Variants in NBN observed in about 807,000 individuals in gnomAD.
NBN encodes Nijmegen breakage syndrome 1 (nibrin).
In NBN, 88 loss-of-function variants were observed where a neutral mutation model predicts 90.8. The ratio of observed to expected loss-of-function variants is 0.97; its 90% CI spans 0.82 to 1.16. The LOEUF (loss-of-function observed/expected upper bound fraction) is 1.16, where lower values mean the gene tolerates loss of function less well. Among genes scored for constraint, NBN ranks in the 50% most tolerant of loss-of-function variants. The pLI is 0.00. For synonymous variants in NBN, 328 were observed against 295.1 expected, an observed-to-expected ratio of 1.11 and a Z score of -1.14; for missense variants, 894 against 869.6, an observed-to-expected ratio of 1.03 and a Z score of -0.35.
intron 14 of NBN, among the ~76,000 whole-genome samples, chr8:89,940,620 T>C (rs1251911594): frequency 8.3e-6 from 1 of 120,188 alleles, no homozygotes; most frequent in Non-Finnish European, 1.7e-5. Flanking sequence ...CTCCATCTAC[T>C]AGAGGAAAAA....
chr8:89,980,813 T>G lies in NBN; in HGVS notation c.401A>C (p.Gln134Pro). ...ATTGTTTACAGTAAATCCTCCAAGT[T>G]GCAATATAGCTTGATTTAAAGCAGT... ...GKTALNQAIL[Q>P]LGGFTVNNWT... is the part of the protein sequence containing the mutation. The change falls in exon 4 of 16, where the codon CAA becomes CCA. Residue 134 changes from glutamine to proline, a missense_variant. Coordinates refer to ENST00000265433, the MANE Select transcript of NBN (RefSeq NM_002485.5). 1.9e-6 allele frequency: 3 copies of G among 1,613,204 alleles called. No individual in the cohort carries two copies. The highest frequency in any genetic ancestry group is 2.5e-6 in the Non-Finnish European group (3 of 1,179,350).
rs141443872 is a variant in NBN at position 89,970,456 on chromosome 8, C to G, written c.804G>C (p.Thr268=). Residue 268 remains threonine (T), a synonymous_variant, in exon 7 of 16, where the codon ACG becomes ACC. Coordinates refer to ENST00000265433, the MANE Select transcript of NBN (RefSeq NM_002485.5). ...EEHNFFLAPG[T]CVVDTGITNS... ...TTGTTATTCCTGTATCAACAACACA[C>G]GTTCCCGGAGCCAAAAAGAAATTAT... 1 of 1,614,002 alleles carries G rather than the reference C, an allele frequency of 6.2e-7. No homozygotes were observed. The highest frequency in any genetic ancestry group is 1.1e-5 in the South Asian group (1 of 91,082).
chr8:89,943,159 T>C, intron 14 of NBN, 94 bp downstream of exon 14: 13 of 1,329,906 alleles, frequency 9.8e-6, no homozygotes, highest in South Asian at 2.4e-5. Context: ...ATGTCACTTA[T>C]TTTAATTTGG....
intron 11 of NBN, among the ~76,000 whole-genome samples, chr8:89,951,636 A>T (rs1173354499): frequency 6.6e-6 from 1 of 152,220 alleles, no homozygotes; most frequent in Non-Finnish European, 1.5e-5. Context: ...TGTCACATTA[A>T]ACTAATTTAC....
At position 89,978,482 on chromosome 8, in the gene NBN, A is replaced by T. The variant is rs187046429; in HGVS notation, c.481-159T>A. On this transcript the variant is annotated intron_variant, in intron 4 of 15. Transcript: ENST00000265433. ...TTATAAAGAAGCCACAATCTATAAAATAGAAGTCGGTCTTTGGTCACTGCA... is the reference window on the plus strand; with the variant it reads ...TTATAAAGAAGCCACAATCTATAAATTAGAAGTCGGTCTTTGGTCACTGCA... 5.3e-4 allele frequency: 99 copies of T among 186,344 alleles called. 1 individual carries two copies. The East Asian group carries it at 0.018, about 34-fold the overall frequency. 11.5% of individuals were successfully genotyped at this position (186,344 alleles called of 1,614,324 possible).
chr8:89,938,739 ATT>A (rs904547879), intron 14 of NBN, among the ~76,000 whole-genome samples: 14 of 152,132 alleles, frequency 9.2e-5, no homozygotes, highest in African/African-American at 3.4e-4. Flanking sequence ...TTACAGACTG[ATT>A]TTTCTATCAT....
At chr8:89,943,437 A>AAAAAGCAAAG in intron 13 of NBN, 71 bp from the exon 14 acceptor site, 1 of 1,476,776 alleles carries the variant, frequency 6.8e-7, no homozygotes, top group Non-Finnish European at 9.4e-7. Context: ...TAAAAAGATT[A>AAAAAGCAAAG]AAAAGCAAAG....
chr8:89,971,931 T>C (rs1266993602), intron 5 of NBN, among the ~76,000 whole-genome samples: 1 of 152,202 alleles, frequency 6.6e-6, no homozygotes, highest in Non-Finnish European at 1.5e-5. Context: ...AAGCCTCTCA[T>C]CAGTCTAGAG....
chr8:89,968,045 C>T (rs1266996560), intron 7 of NBN, among the ~76,000 whole-genome samples: 3 of 152,136 alleles, frequency 2.0e-5, no homozygotes, highest in African/African-American at 7.2e-5. Context: ...ATCACTTCAG[C>T]TCAGGAGTTC....
intron 13 of NBN, 80 bp from the exon 14 acceptor site, chr8:89,943,446 A>T (rs1392650454): frequency 2.1e-6 from 3 of 1,421,594 alleles, no homozygotes; most frequent in Non-Finnish European, 3.0e-6. Flanking sequence ...TAAAAAGCAA[A>T]GATGGTAAAT....
At chr8:89,975,671 A>G (rs1336874339) in intron 5 of NBN, among the ~76,000 whole-genome samples, 1 of 152,224 alleles carries the variant, frequency 6.6e-6, no homozygotes, top group Non-Finnish European at 1.5e-5. Flanking sequence ...CAAAAATTGA[A>G]TCTAGAAAAA....
At chr8:89,974,629 GGGTACATACAGTGAAA>G (rs1014648441) in intron 5 of NBN, among the ~76,000 whole-genome samples, 22 of 152,166 alleles carry the variant, frequency 1.4e-4, no homozygotes, top group Non-Finnish European at 1.9e-4. Context: ...AAGACGTAGA[GGGTACATACAGTGAAA>G]GGTACATACA....
At chr8:89,976,515 G>T (rs377238237) in intron 5 of NBN, among the ~76,000 whole-genome samples, 6 of 152,210 alleles carry the variant, frequency 3.9e-5, no homozygotes, top group Admixed American at 2.6e-4. Flanking sequence ...TCTCTCCTGG[G>T]AGGGGAACCA....
intron 13 of NBN, among the ~76,000 whole-genome samples, chr8:89,945,840 T>C (rs1221176301): frequency 6.6e-6 from 1 of 152,142 alleles, no homozygotes; most frequent in Non-Finnish European, 1.5e-5. Flanking sequence ...TGTAGACCAA[T>C]ATTAGACTAA....
intron 2 of NBN, 66 bp from the exon 3 acceptor site, chr8:89,981,589 T>TG (rs1484637905): frequency 6.4e-7 from 1 of 1,572,946 alleles, no homozygotes. Flanking sequence ...AGAGAAAAAG[T>TG]TTTCAAAAGA....
At chr8:89,959,196 G>A (rs1810878182) in intron 8 of NBN, among the ~76,000 whole-genome samples, 2 of 152,164 alleles carry the variant, frequency 1.3e-5, no homozygotes, top group African/African-American at 2.4e-5. Context: ...CACAGAAAGT[G>A]TATACACCCT....
chr8:89,947,444 A>G (rs1432082847), intron 12 of NBN, among the ~76,000 whole-genome samples: 1 of 152,096 alleles, frequency 6.6e-6, no homozygotes, highest in African/African-American at 2.4e-5. Flanking sequence ...AGCCTGACCA[A>G]CATAGAGAAA....
At chr8:89,964,767 T>C (rs548047178) in intron 7 of NBN, among the ~76,000 whole-genome samples, 2 of 152,248 alleles carry the variant, frequency 1.3e-5, no homozygotes, top group South Asian at 2.1e-4. Flanking sequence ...GTTCTAAAAT[T>C]CTACAATTTT....
At chr8:89,941,276 G>C (rs1481347943) in intron 14 of NBN, among the ~76,000 whole-genome samples, 1 of 152,176 alleles carries the variant, frequency 6.6e-6, no homozygotes, top group Non-Finnish European at 1.5e-5. Flanking sequence ...TGTATTCTGA[G>C]TGTTACTGGC....
Sources: gnomAD v4.1 joint callset for allele counts (sites outside exome capture counted in the v4.1 genomes callset) on GRCh38, gnomAD v4.1.1 for gene constraint, MANE v1.5 for transcripts, NCBI Gene and HGNC (gene_info 2026-07-23, HGNC 2026-07-21) for gene names.